TNIK: variants seen among roughly 807,000 people sequenced by gnomAD.
TNIK encodes TRAF2 and NCK-interacting protein kinase.
Under a neutral mutation model 191.3 loss-of-function variants are expected in TNIK, and 49 were observed. The observed-to-expected ratio is 0.26, with a 90% CI of 0.20 to 0.32. The LOEUF (loss-of-function observed/expected upper bound fraction) is 0.32. Among genes scored for constraint, TNIK ranks in the 10% least tolerant of loss-of-function variants. The pLI is 1.00. For missense variants in TNIK, 1,155 were observed against 1,702.3 expected (o/e 0.68, Z 5.66); for synonymous variants, 594 against 600.9 (o/e 0.99, Z 0.17).
intron 16 of TNIK, among the ~76,000 whole-genome samples, chr3:171,127,108 C>T (rs1271434958): frequency 2.0e-5 from 3 of 149,802 alleles, no homozygotes; most frequent in Non-Finnish European, 4.4e-5. Flanking sequence ...GGAAGGTGTC[C>T]CATAAATCCT....
At chr3:171,344,651 C>T (rs1040133920) in intron 2 of TNIK, among the ~76,000 whole-genome samples, 23 of 152,040 alleles carry the variant, frequency 1.5e-4, no homozygotes, top group African/African-American at 5.6e-4. Context: ...AAAATATAAT[C>T]ACACCAAGAT....
intron 2 of TNIK, among the ~76,000 whole-genome samples, chr3:171,307,859 A>C (rs945542879): frequency 4.6e-5 from 7 of 152,064 alleles, no homozygotes; most frequent in Non-Finnish European, 8.8e-5. Flanking sequence ...CTCATTCTTC[A>C]CAATTGTACA....
intron 28 of TNIK, among the ~76,000 whole-genome samples, chr3:171,076,412 A>G (rs1279362803): frequency 2.0e-5 from 3 of 152,142 alleles, no homozygotes. Flanking sequence ...ACACTTGATT[A>G]GATTTCAGCC....
At chr3:171,330,729 C>A (rs1411663271) in intron 2 of TNIK, among the ~76,000 whole-genome samples, 1 of 152,136 alleles carries the variant, frequency 6.6e-6, no homozygotes, top group Non-Finnish European at 1.5e-5. Flanking sequence ...ACTATATCCT[C>A]CAAACCCAAC....
intron 2 of TNIK, among the ~76,000 whole-genome samples, chr3:171,237,701 C>A (rs945616173): frequency 6.6e-6 from 1 of 152,094 alleles, no homozygotes; most frequent in African/African-American, 2.4e-5. Context: ...GCAGGAGGAT[C>A]ACTTGCAGCC....
intron 1 of TNIK, among the ~76,000 whole-genome samples, chr3:171,374,429 A>C (rs1577680787): frequency 6.6e-6 from 1 of 152,340 alleles, no homozygotes; most frequent in South Asian, 2.1e-4. Context: ...AAAGACAGGA[A>C]AGCTAAGAGA....
intron 1 of TNIK, among the ~76,000 whole-genome samples, chr3:171,448,730 T>C (rs921998286): frequency 6.6e-5 from 10 of 152,152 alleles, no homozygotes; most frequent in African/African-American, 2.4e-4. Flanking sequence ...CTATCAGTAA[T>C]ATAGGAGCAT....
At chr3:171,341,636 G>C (rs930322710) in intron 2 of TNIK, among the ~76,000 whole-genome samples, 1 of 151,768 alleles carries the variant, frequency 6.6e-6, no homozygotes, top group Non-Finnish European at 1.5e-5. Context: ...GGCATTATGC[G>C]GAAACAAAAG....
chr3:171,237,658 A>G (rs1744445068), intron 2 of TNIK, among the ~76,000 whole-genome samples: 1 of 152,214 alleles, frequency 6.6e-6, no homozygotes, highest in Non-Finnish European at 1.5e-5. Context: ...GTGGTGGCTC[A>G]TGCCTATAAT....
intron 2 of TNIK, among the ~76,000 whole-genome samples, chr3:171,297,591 GT>G (rs1337242146): frequency 6.6e-6 from 1 of 152,102 alleles, no homozygotes; most frequent in Non-Finnish European, 1.5e-5. Context: ...AAATATTGAT[GT>G]CTCTTTTATC....
At chr3:171,066,804 C>T in intron 30 of TNIK, 69 bp from the exon 31 acceptor site, 12 of 1,509,934 alleles carry the variant, frequency 7.9e-6, no homozygotes, top group East Asian at 2.4e-5. Flanking sequence ...TCATCTCTAA[C>T]AACTGCAAAA....
At chr3:171,336,398 T>C (rs1334325335) in intron 2 of TNIK, among the ~76,000 whole-genome samples, 1 of 152,206 alleles carries the variant, frequency 6.6e-6, no homozygotes, top group African/African-American at 2.4e-5. Context: ...GTGTTTCATT[T>C]TCAGTGTTTT....
intron 2 of TNIK, among the ~76,000 whole-genome samples, chr3:171,353,455 T>C (rs1237508272): frequency 6.6e-6 from 1 of 152,212 alleles, no homozygotes; most frequent in Non-Finnish European, 1.5e-5. Context: ...TTTCCTATAA[T>C]GGGCATAGTT....
At chr3:171,424,261 T>C (rs1724230686) in intron 1 of TNIK, among the ~76,000 whole-genome samples, 1 of 152,048 alleles carries the variant, frequency 6.6e-6, no homozygotes, top group Non-Finnish European at 1.5e-5. Flanking sequence ...ATCAGAGAAA[T>C]GCAAATCAAA....
chr3:171,290,579 G>A (rs1161669280), intron 2 of TNIK, among the ~76,000 whole-genome samples: 4 of 152,260 alleles, frequency 2.6e-5, no homozygotes, highest in Admixed American at 2.0e-4. Context: ...TAGATTCCAT[G>A]TACCTGCTAC....
At chr3:171,177,442 C>A in intron 7 of TNIK, 62 bp from the exon 8 acceptor site, 1 of 1,543,964 alleles carries the variant, frequency 6.5e-7, no homozygotes, top group Admixed American at 2.0e-5. Context: ...TTGGTTAAAC[C>A]TGGTAATTGC....
chr3:171,431,756 A>T (rs934322025), intron 1 of TNIK, among the ~76,000 whole-genome samples: 16 of 152,196 alleles, frequency 1.1e-4, no homozygotes, highest in Non-Finnish European at 2.2e-4. Context: ...TCACAGAGAA[A>T]TTTAGTACAT....
intron 27 of TNIK, among the ~76,000 whole-genome samples, chr3:171,080,600 A>C (rs1295097145): frequency 6.6e-6 from 1 of 151,918 alleles, no homozygotes; most frequent in Non-Finnish European, 1.5e-5. Flanking sequence ...CAGCATGCTC[A>C]GCTAATTTTT....
At chr3:171,202,213 G>GTT (rs149321737) in intron 4 of TNIK, among the ~76,000 whole-genome samples, 7 of 146,896 alleles carry the variant, frequency 4.8e-5, no homozygotes, top group African/African-American at 1.8e-4. Context: ...ATATATATAT[G>GTT]TTTTTTTTTT....
Sources: gnomAD v4.1 joint callset for allele counts (sites outside exome capture counted in the v4.1 genomes callset) on GRCh38, gnomAD v4.1.1 for gene constraint, MANE v1.5 for transcripts, NCBI Gene and HGNC (gene_info 2026-07-23, HGNC 2026-07-21) for gene names.